ABCF1: variants seen among roughly 807,000 people sequenced by gnomAD.
The protein encoded by ABCF1 is ATP binding cassette subfamily F member 1.
ABCF1 carries 73 observed loss-of-function variants against 126.3 expected under a neutral mutation model. The observed-to-expected ratio is 0.58, with a 90% confidence interval of 0.48 to 0.70. ABCF1 has a LOEUF of 0.70. Among genes scored for constraint, ABCF1 ranks in the 30% least tolerant of loss-of-function variants. The pLI, the probability that ABCF1 is intolerant of heterozygous loss-of-function variation, is 0.00. For synonymous variants in ABCF1, 345 were observed against 396.4 expected, an observed-to-expected ratio of 0.87 and a Z score of 1.54; for missense variants, 786 against 1,057.5, an observed-to-expected ratio of 0.74 and a Z score of 3.56.
chr6:30,579,952 C>G lies in ABCF1; in HGVS notation c.511C>G (p.Pro171Ala). 6.2e-7 allele frequency: 1 copy of G among 1,612,796 alleles called. No individual in the cohort carries two copies. The highest frequency in any genetic ancestry group is 1.3e-5 in the African/African-American group (1 of 74,998). ...INKAVSEEQQPALKGKKGKEE... is the reference protein window; with the variant it reads ...INKAVSEEQQAALKGKKGKEE... Reference sequence around the variant, plus strand: ...CCAGGCCGTATCTGAGGAACAGCAGCCTGCACTCAAGGGCAAAAAGGGAAA... The same window carrying G: ...CCAGGCCGTATCTGAGGAACAGCAGGCTGCACTCAAGGGCAAAAAGGGAAA... The change falls in exon 7 of 25, where the codon CCT becomes GCT. Residue 171 changes from proline to alanine, a missense_variant. Pro to Ala is a conservative substitution (Grantham distance 27). Around this residue, in one of 4 missense-constraint regions of ABCF1, gnomAD observed 322 missense variants for 322.9 expected, o/e 1.00. Transcript: ENST00000326195.
At position 30,583,351 on chromosome 6, in the gene ABCF1, A is replaced by G. The variant is rs1417011385; in HGVS notation, c.915+163A>G. 1.3e-5 allele frequency among the ~76,000 whole-genome samples: 2 copies of G among 152,234 alleles called. No individual in the cohort carries two copies. Among genetic ancestry groups the G allele is most frequent in the East Asian group, 3.8e-4 (2 of 5,196 alleles). On this transcript the variant is annotated intron_variant, in intron 10 of 24. Transcript: ENST00000326195. The surrounding 1 kb of genome is among the most constrained non-coding windows in gnomAD (Gnocchi z 4.1). ...TCTGCCAACTTGAGCAAGAAGATAG[A>G]AAAACCAGTAGAAGTGGGGTCCACC...
Position 30,583,278 on chromosome 6 carries a change from G to A in ABCF1, c.915+90G>A, listed in dbSNP as rs920701675. On this transcript the variant is annotated intron_variant, in intron 10 of 24. Coordinates refer to ENST00000326195, the MANE Select transcript of ABCF1 (RefSeq NM_001025091.2). The surrounding 1 kb of genome is among the most constrained non-coding windows in gnomAD (Gnocchi z 4.1). The stretch of plus-strand genomic sequence containing the variant: ...CTGAGTGGCTGTGGTGTGTGAATGG[G>A]TTAGTTCAGTGGGAAGAAAGATTGG... The A allele has an allele frequency of 1.3e-6, 2 of 1,492,020 alleles. No homozygotes were observed. The highest frequency in any genetic ancestry group is 9.1e-7 in the Non-Finnish European group (1 of 1,104,532). 92.4% of individuals were successfully genotyped at this position (1,492,020 alleles called of 1,614,324 possible). A position where few individuals can be genotyped will look rare whatever the true frequency, so the allele number is the denominator to read the frequency against.
rs750787620 is a variant in ABCF1, at chr6:30,586,484, C to T, written c.1896C>T (p.Phe632=). The change falls in exon 19 of 25, where the codon TTC becomes TTT. Residue 632 remains phenylalanine (F), a synonymous_variant. Transcript: ENST00000326195. This position sits in a 1 kb window ranked among gnomAD's most constrained non-coding sequence, Gnocchi z 4.9. ...TTTCGTGGCTTTCAGGTGTGACATT[C>T]GGCTACCAGGGACAGAAACCACTCT... The part of the protein sequence containing the change: ...PPVLGLHGVT[F]GYQGQKPLFK... 20 of 1,613,512 alleles carry T rather than the reference C, an allele frequency of 1.2e-5. No homozygotes were observed. Among genetic ancestry groups the T allele is most frequent in the Admixed American group, 1.7e-5 (1 of 59,996 alleles).
chr6:30,581,838 G>A (rs868177783), intron 8 of ABCF1, among the ~76,000 whole-genome samples: 4 of 152,098 alleles, frequency 2.6e-5, no homozygotes, highest in African/African-American at 7.2e-5. Context: ...GACATAACGC[G>A]TTGTCACATT....
At chr6:30,571,800 G>A (rs1423222298) in intron 1 of ABCF1, among the ~76,000 whole-genome samples, 1 of 152,086 alleles carries the variant, frequency 6.6e-6, no homozygotes, top group African/African-American at 2.4e-5. Flanking sequence ...AAAAGAAAGA[G>A]CATATGGCAC....
At chr6:30,582,939 T>C (rs1456453876) in intron 9 of ABCF1, 127 bp from the exon 10 acceptor site, 11 of 1,242,688 alleles carry the variant, frequency 8.9e-6, no homozygotes, top group Admixed American at 2.3e-5. Context: ...GAGATCCACC[T>C]ACCTCAGCCT....
At position 30,586,576 on chromosome 6, in the gene ABCF1, G is replaced by GTGTA; in HGVS notation, c.1960+29_1960+32dup. On this transcript the variant is annotated intron_variant, in intron 19 of 24. Transcript: ENST00000326195. The surrounding 1 kb of genome is among the most constrained non-coding windows in gnomAD (Gnocchi z 4.9). ...GAGTTGGCGGGGTTGCCTCAGGGAT[G>GTGTA]TGTAGCAGGAGCCACAGGGAGAGTC... 6.2e-7 allele frequency: 1 copy of GTGTA among 1,613,196 alleles called. No homozygotes were observed. The highest frequency in any genetic ancestry group is 8.5e-7 in the Non-Finnish European group (1 of 1,179,854).
At chr6:30,578,744 G>A (rs930539052) in intron 6 of ABCF1, among the ~76,000 whole-genome samples, 167 bp downstream of exon 6, 12 of 152,268 alleles carry the variant, frequency 7.9e-5, no homozygotes, top group African/African-American at 2.6e-4. Context: ...GGTCACGCCT[G>A]TAATCCCAGC....
chr6:30,585,963 AG>A lies in ABCF1; in HGVS notation c.1687del (p.Ala563GlnfsTer17). ...CAAGAGAAAAAGCTGAAGGAGCTGAAGGCAGGCGGGAAGTCCACCAAGCAGG... is the reference window on the plus strand; with the variant it reads ...CAAGAGAAAAAGCTGAAGGAGCTGAAGCAGGCGGGAAGTCCACCAAGCAGG... ...EKQEKKLKEL[K>X]AGGKSTKQAE... is the part of the protein sequence containing the mutation. On this transcript the variant is annotated frameshift_variant, in exon 17 of 25. Transcript: ENST00000326195. LOFTEE classifies it high-confidence loss of function. The A allele has an allele frequency of 6.2e-7, 1 of 1,610,738 alleles. No individual in the cohort carries two copies. Among genetic ancestry groups the A allele is most frequent in the Non-Finnish European group, 8.5e-7 (1 of 1,178,364 alleles).
intron 1 of ABCF1, 152 bp from the exon 2 acceptor site, chr6:30,577,257 A>G: frequency 1.5e-6 from 1 of 674,574 alleles, no homozygotes; most frequent in Non-Finnish European, 2.5e-6. Flanking sequence ...TTATTTCTGC[A>G]GGAGTTGTGA....
In ABCF1 at chr6:30,578,466, C is replaced by G. The variant is rs373840391; in HGVS notation, c.382-4C>G. ...CTGACTTCTGTGGCCCTTTCATTCT[C>G]TAGGGTGGTAATGTTTTTGCAGCCC... is the stretch of plus-strand genomic sequence containing the variant. On this transcript the variant is annotated splice_polypyrimidine_tract_variant and splice_region_variant and intron_variant, in intron 5 of 24. Transcript: ENST00000326195. 8.7e-6 allele frequency: 14 copies of G among 1,613,860 alleles called. No homozygotes were observed. Among genetic ancestry groups the G allele is most frequent in the African/African-American group, 1.3e-5 (1 of 74,854 alleles).
At position 30,586,297 on chromosome 6, in the gene ABCF1, G is replaced by C. The variant is rs1210843189; in HGVS notation, c.1877G>C (p.Gly626Ala). The C allele has an allele frequency of 6.2e-7, 1 of 1,607,248 alleles. No homozygotes were observed. The highest frequency in any genetic ancestry group is 8.5e-7 in the Non-Finnish European group (1 of 1,176,662). ...DPPPLSPPVL[G>A]LHGVTFGYQG... is the part of the protein sequence containing the mutation. Reference sequence around the variant, plus strand: ...CCACCACTCAGCCCTCCAGTGCTGGGTCTGCATGGTGAGTGCCGCGGGCCT... The same window carrying C: ...CCACCACTCAGCCCTCCAGTGCTGGCTCTGCATGGTGAGTGCCGCGGGCCT... The change falls in exon 18 of 25, where the codon GGT becomes GCT. Residue 626 changes from glycine to alanine, a missense_variant. Physicochemically the swap from Gly to Ala is moderately conservative, Grantham distance 60. Transcript: ENST00000326195. The surrounding 1 kb of genome is among the most constrained non-coding windows in gnomAD (Gnocchi z 4.9).
At chr6:30,581,464 C>T (rs1207036958) in intron 8 of ABCF1, among the ~76,000 whole-genome samples, 4 of 129,758 alleles carry the variant, frequency 3.1e-5, no homozygotes, top group African/African-American at 9.0e-5. Flanking sequence ...AGTGCGGTGG[C>T]GCAATCTCAG....
At chr6:30,587,870 GTCAA>G (rs2127417418) in intron 20 of ABCF1, among the ~76,000 whole-genome samples, 1 of 14,862 alleles carries the variant, frequency 6.7e-5, no homozygotes, top group African/African-American at 3.5e-4. Context: ...AAATGCTTAA[GTCAA>G]GAGAAAAATC....
chr6:30,583,694 G>A lies in ABCF1; in HGVS notation c.1002G>A (p.Leu334=). The A allele has an allele frequency of 1.2e-6, 2 of 1,614,098 alleles. No individual in the cohort carries two copies. The highest frequency in any genetic ancestry group is 4.5e-5 in the East Asian group (2 of 44,888). ...LYIVAGRRYG[L]VGPNGKGKTT... is the part of the protein sequence containing the mutation. ...TTGTAGCCGGCCGCCGCTACGGGCT[G>A]GTAGGACCCAATGGGTGAGAAGAGG... The change falls in exon 11 of 25, where the codon CTG becomes CTA. Residue 334 remains leucine, a synonymous_variant. Transcript: ENST00000326195. This position sits in a 1 kb window ranked among gnomAD's most constrained non-coding sequence, Gnocchi z 4.1.
At chr6:30,577,345 A>AG in intron 1 of ABCF1, 64 bp from the exon 2 acceptor site, 3 of 1,506,546 alleles carry the variant, frequency 2.0e-6, no homozygotes, top group East Asian at 2.3e-5. Context: ...AGATCTTTGC[A>AG]GGGGGGATCA....
intron 6 of ABCF1, 151 bp downstream of exon 6, chr6:30,578,728 ACAGTGGGTCACGCC>A: frequency 1.3e-6 from 1 of 786,960 alleles, no homozygotes; most frequent in Non-Finnish European, 2.1e-6. Context: ...CAGGCTGGGC[ACAGTGGGTCACGCC>A]TGTAATCCCA....
chr6:30,575,901 C>T (rs753072947), intron 1 of ABCF1, among the ~76,000 whole-genome samples: 6 of 151,990 alleles, frequency 3.9e-5, no homozygotes, highest in Non-Finnish European at 7.4e-5. Flanking sequence ...GAGACCTCCT[C>T]TCTAAAAATT....
intron 20 of ABCF1, among the ~76,000 whole-genome samples, chr6:30,588,007 A>T (rs1802243223): frequency 6.6e-6 from 1 of 151,828 alleles, no homozygotes; most frequent in African/African-American, 2.4e-5. Flanking sequence ...GGTTCAAGAT[A>T]TTCTCCTGCC....
Sources: allele counts gnomAD v4.1 joint callset (sites outside exome capture counted in the v4.1 genomes callset), GRCh38; gene constraint gnomAD v4.1.1; regional missense constraint gnomAD v4.1.1; non-coding constraint Gnocchi (gnomAD v3.1); transcripts MANE v1.5; gene names NCBI Gene and HGNC (gene_info 2026-07-23, HGNC 2026-07-21).